The following SYNPO variants were observed in gnomAD, a reference collection of about 807,000 sequenced individuals.
The protein encoded by SYNPO is synaptopodin.
In SYNPO, 19 loss-of-function variants were observed where a neutral mutation model predicts 49.5. That is an observed-to-expected ratio of 0.38 (90% confidence interval 0.27 to 0.56). The LOEUF (loss-of-function observed/expected upper bound fraction) is 0.56. Among genes scored for constraint, SYNPO ranks in the 20% least tolerant of loss-of-function variants. The pLI is 0.68. For missense variants in SYNPO, 1,131 were observed against 1,248.3 expected (o/e 0.91, Z 1.42); for synonymous variants, 536 against 548.0 (o/e 0.98, Z 0.31).
At chr5:150,626,351 G>C (rs547069260) in intron 2 of SYNPO, among the ~76,000 whole-genome samples, 1 of 152,342 alleles carries the variant, frequency 6.6e-6, no homozygotes, top group East Asian at 1.9e-4. Context: ...ATCTTGGTCT[G>C]GTTCCTCCCC....
At chr5:150,645,426 T>TGCATTTGTTCATGCA (rs1758055044) in intron 1 of SYNPO, among the ~76,000 whole-genome samples, 2 of 152,250 alleles carry the variant, frequency 1.3e-5, no homozygotes, top group African/African-American at 4.8e-5. Context: ...TGTCTGTCAA[T>TGCATTTGTTCATGCA]GCATTTGTTC....
At chr5:150,618,517 G>C (rs758570636) in exon 2 of SYNPO, 16 of 1,551,208 alleles carry the variant, frequency 1.0e-5, no homozygotes, top group African/African-American at 1.4e-5. Flanking sequence ...AGGGAGAGGT[G>C]GGGCCTACCG....
chr5:150,641,566 C>T (rs1181504206), intron 1 of SYNPO, among the ~76,000 whole-genome samples: 1 of 152,200 alleles, frequency 6.6e-6, no homozygotes, highest in African/African-American at 2.4e-5. Flanking sequence ...TCCTGTGGAT[C>T]CTCCATCCAC....
Position 150,650,816 on chromosome 5 carries a change from G to A in SYNPO, c.2028+513G>A, listed in dbSNP as rs10072536. On this transcript the variant is annotated intron_variant, in intron 2 of 2. Transcript: ENST00000307662. ...CCCTCCTGAGGCTCAAGCTCCTGGC[G>A]TCTTTCTTCCTGTTGCTGGATTCTC... is the stretch of plus-strand genomic sequence containing the variant. 6.1e-3 allele frequency: 7,857 copies of A among 1,280,960 alleles called. 433 individuals are homozygous for A. The African/African-American group carries it at 0.11, about 17-fold the overall frequency. 79.3% of individuals were successfully genotyped at this position (1,280,960 alleles called of 1,614,324 possible).
rs760606358 is a variant in SYNPO at position 150,656,646 on chromosome 5, G to C, written c.2271G>C (p.Leu757=). ...RPPSRQLQAL[L]ARNIINAARR... is the part of the protein sequence containing the mutation. ...CCAGCCGCCAGCTGCAGGCGCTTCT[G>C]GCGCGAAACATCATCAATGCGGCCC... Residue 757 remains leucine (L), a synonymous_variant, in exon 3 of 3, where the codon CTG becomes CTC. Coordinates refer to ENST00000307662, the MANE Select transcript of SYNPO (RefSeq NM_007286.6). The C allele has an allele frequency of 6.6e-7, 1 of 1,508,008 alleles. No individual in the cohort carries two copies. Among genetic ancestry groups the C allele is most frequent in the Non-Finnish European group, 8.8e-7 (1 of 1,136,378 alleles). 93.4% of individuals were successfully genotyped at this position (1,508,008 alleles called of 1,614,324 possible).
chr5:150,621,199 TG>T (rs1415150841), intron 2 of SYNPO, among the ~76,000 whole-genome samples: 1 of 152,148 alleles, frequency 6.6e-6, no homozygotes. Flanking sequence ...GCGGTCTGCC[TG>T]CCTCGGCCTC....
chr5:150,612,332 C>T (rs992812066), intron 1 of SYNPO, among the ~76,000 whole-genome samples: 1 of 152,196 alleles, frequency 6.6e-6, no homozygotes, highest in South Asian at 2.1e-4. Flanking sequence ...CTCCTGGCCA[C>T]CCCACATGTA....
rs1386674239 is a variant in SYNPO, at chr5:150,648,102, G to A, written c.-174G>A. 3 of 1,551,834 alleles carry A rather than the reference G, an allele frequency of 1.9e-6. No homozygotes were observed. In the South Asian group the frequency reaches 3.6e-5, roughly 18 times the overall value. On this transcript the variant is annotated 5_prime_UTR_variant, in exon 2 of 3. Transcript: ENST00000307662. This position sits in a 1 kb window ranked among gnomAD's most constrained non-coding sequence, Gnocchi z 5.0. ...GCAGAGGGTGAACGAGTTCACCTTG[G>A]AGAGCCACGGCCAGAGGGGACAGAA... is the stretch of plus-strand genomic sequence containing the variant.
At chr5:150,632,581 C>T (rs1757576639) in intron 2 of SYNPO, among the ~76,000 whole-genome samples, 1 of 152,166 alleles carries the variant, frequency 6.6e-6, no homozygotes, top group African/African-American at 2.4e-5. Flanking sequence ...CAGGTGCCAT[C>T]TGCTCACCCC....
chr5:150,646,844 A>G (rs1758111960), intron 1 of SYNPO, among the ~76,000 whole-genome samples: 1 of 152,256 alleles, frequency 6.6e-6, no homozygotes, highest in African/African-American at 2.4e-5. Flanking sequence ...GGCCCTAAGG[A>G]AGGCACACAG....
Position 150,649,787 on chromosome 5 carries a change from G to A in SYNPO, c.1512G>A (p.Glu504=), listed in dbSNP as rs1192982610. ...TCGAGTCTTCAAGCCACACGCCAGA[G>A]CTGGCCCGCTGCCCATCACCTACCA... ...YVIESSSHTP[E]LARCPSPTMS... The change falls in exon 2 of 3, where the codon GAG becomes GAA. Residue 504 remains glutamate, a synonymous_variant. Transcript: ENST00000307662. 6.2e-7 allele frequency: 1 copy of A among 1,611,940 alleles called. No individual in the cohort carries two copies. The highest frequency in any genetic ancestry group is 8.5e-7 in the Non-Finnish European group (1 of 1,180,020).
At position 150,657,270 on chromosome 5, in the gene SYNPO, C is replaced by T; in HGVS notation, c.*183C>T. On this transcript the variant is annotated 3_prime_UTR_variant, in exon 3 of 3. Transcript: ENST00000307662. ...AGTTCTAGCCCTTGCTCTCATTCAG[C>T]TGTTGTGTGACCCTGGGTAAGACCC... 1.5e-6 allele frequency: 1 copy of T among 665,588 alleles called. No homozygotes were observed. The highest frequency in any genetic ancestry group is 2.0e-5 in the South Asian group (1 of 49,764). The allele number at this position is 665,588 out of a possible 1,614,324, so 41.2% of individuals were successfully genotyped here. A position where few individuals can be genotyped will look rare whatever the true frequency, so the allele number is the denominator to read the frequency against.
At chr5:150,603,244 C>T (rs952676249) in intron 1 of SYNPO, among the ~76,000 whole-genome samples, 5 of 152,210 alleles carry the variant, frequency 3.3e-5, no homozygotes, top group Admixed American at 2.6e-4. Context: ...GGTGGGTAGG[C>T]GAGAGGCCAC....
chr5:150,595,016 T>C, the SYNPO span, among the ~76,000 whole-genome samples: 1 of 152,178 alleles, frequency 6.6e-6, no homozygotes, highest in East Asian at 1.9e-4. Context: ...TGTTATTTTA[T>C]ATGGATTTCC....
upstream of SYNPO, among the ~76,000 whole-genome samples, chr5:150,597,479 G>A (rs564262029): frequency 2.6e-5 from 4 of 151,924 alleles, no homozygotes; most frequent in Non-Finnish European, 4.4e-5. Context: ...TTACAGGCAC[G>A]CGTCACCACG....
chr5:150,656,387 C>G lies in SYNPO; in HGVS notation c.2029-17C>G. 1 of 1,525,230 alleles carries G rather than the reference C, an allele frequency of 6.6e-7. No homozygotes were observed. Among genetic ancestry groups the G allele is most frequent in the Non-Finnish European group, 8.8e-7 (1 of 1,141,192 alleles). 94.5% of individuals were successfully genotyped at this position (1,525,230 alleles called of 1,614,324 possible). ...TCAGCACTAATGCCTGCCCCACCCT[C>G]TCTGCTCTCTCCCCAGGACCGCCGG... On this transcript the variant is annotated splice_polypyrimidine_tract_variant and intron_variant, in intron 2 of 2. Coordinates refer to ENST00000307662, the MANE Select transcript of SYNPO (RefSeq NM_007286.6).
In SYNPO at chr5:150,657,179, C is replaced by A; in HGVS notation, c.*92C>A. The A allele has an allele frequency of 7.3e-7, 1 of 1,363,476 alleles. No individual in the cohort carries two copies. Among genetic ancestry groups the A allele is most frequent in the Non-Finnish European group, 9.9e-7 (1 of 1,014,780 alleles). The allele number at this position is 1,363,476 out of a possible 1,614,324, so 84.5% of individuals were successfully genotyped here. On this transcript the variant is annotated 3_prime_UTR_variant, in exon 3 of 3. Coordinates refer to ENST00000307662, the MANE Select transcript of SYNPO (RefSeq NM_007286.6). ...CAAAGGGTCTGGCCTCTTTGGGCAG[C>A]CCCAGAGATGAGGGGTCAGCAGAGG...
chr5:150,631,243 G>A (rs1189116923), intron 2 of SYNPO, among the ~76,000 whole-genome samples: 1 of 152,226 alleles, frequency 6.6e-6, no homozygotes, highest in Non-Finnish European at 1.5e-5. Context: ...GCAGACTGAC[G>A]TGAAAACAAA....
chr5:150,654,113 CTT>C (rs1258307254), intron 2 of SYNPO: 2 of 152,160 alleles, frequency 1.3e-5, no homozygotes, highest in East Asian at 3.9e-4. Context: ...AAGAATAAAT[CTT>C]TGGATGGTTC....
Sources: allele counts gnomAD v4.1 joint callset (sites outside exome capture counted in the v4.1 genomes callset), GRCh38; gene constraint gnomAD v4.1.1; non-coding constraint Gnocchi (gnomAD v3.1); transcripts MANE v1.5; gene names NCBI Gene and HGNC (gene_info 2026-07-23, HGNC 2026-07-21).